PLPP7: variants seen among roughly 807,000 people sequenced by gnomAD.
PLPP7 encodes the protein inactive phospholipid phosphatase 7.
PLPP7 carries 11 observed loss-of-function variants against 16.9 expected under a neutral mutation model. The ratio of observed to expected loss-of-function variants is 0.65; its 90% CI spans 0.41 to 1.08. The LOEUF (loss-of-function observed/expected upper bound fraction) is 1.08. Ranked by LOEUF, PLPP7 falls within the 50% of genes least tolerant of loss-of-function variation. PLPP7 has a pLI of 0.00. For missense variants in PLPP7, 358 were observed against 397.1 expected, an observed-to-expected ratio of 0.90 and a Z score of 0.84; for synonymous variants, 174 against 175.1, an observed-to-expected ratio of 0.99 and a Z score of 0.05.
At chr9:131,299,270 C>T (rs1214399905) in intron 1 of PLPP7, among the ~76,000 whole-genome samples, 1 of 152,166 alleles carries the variant, frequency 6.6e-6, no homozygotes, top group Non-Finnish European at 1.5e-5. Context: ...AGGTCCAGGG[C>T]AGTGCAGCTC....
chr9:131,300,244 CT>C (rs1398074435), intron 1 of PLPP7, among the ~76,000 whole-genome samples: 1 of 152,244 alleles, frequency 6.6e-6, no homozygotes, highest in East Asian at 1.9e-4. Flanking sequence ...GGAACCACCC[CT>C]GGTACCTGCA....
At chr9:131,304,600 A>G (rs1564248666) in intron 1 of PLPP7, among the ~76,000 whole-genome samples, 1 of 152,064 alleles carries the variant, frequency 6.6e-6, no homozygotes, top group African/African-American at 2.4e-5. Flanking sequence ...ATGCTGCAGT[A>G]CTCCAGCCTG....
chr9:131,293,815 G>C (rs116416704), intron 1 of PLPP7, among the ~76,000 whole-genome samples: 1,716 of 152,206 alleles, frequency 0.011, 34 homozygotes, highest in African/African-American at 0.039. Flanking sequence ...CATGGTGGGT[G>C]CCATGCCACA....
intron 1 of PLPP7, among the ~76,000 whole-genome samples, chr9:131,294,568 T>C (rs1462758163): frequency 6.6e-6 from 1 of 152,166 alleles, no homozygotes; most frequent in Non-Finnish European, 1.5e-5. Context: ...ACTAAGCCCA[T>C]CCTTGTTTCC....
Position 131,296,932 on chromosome 9 carries a change from CCTAA to C in PLPP7, c.451+6487_451+6490del, listed in dbSNP as rs1277448438. The stretch of plus-strand genomic sequence containing the variant: ...CTCCACGAGGCTTGTCTAGCCTGTT[CCTAA>C]CTGAGGGGTATTTAGGCTGATCCCA... On this transcript the variant is annotated intron_variant, in intron 1 of 1. Coordinates refer to ENST00000372264, the MANE Select transcript of PLPP7 (RefSeq NM_032728.4). Among the ~76,000 whole-genome samples, 8 of 152,322 alleles carry C rather than the reference CCTAA, an allele frequency of 5.3e-5. No homozygotes were observed. The East Asian group carries it at 1.5e-3, about 29-fold the overall frequency.
intron 1 of PLPP7, among the ~76,000 whole-genome samples, chr9:131,299,880 C>G (rs1361323279): frequency 6.6e-6 from 1 of 152,190 alleles, no homozygotes; most frequent in East Asian, 1.9e-4. Flanking sequence ...TGGGTCAACC[C>G]AGCTGGAGAG....
chr9:131,307,573 A>C (rs1485497712), intron 1 of PLPP7, among the ~76,000 whole-genome samples: 11 of 146,142 alleles, frequency 7.5e-5, no homozygotes, highest in African/African-American at 2.5e-4. Flanking sequence ...AAAAAAAAAA[A>C]AAAAAAAAAA....
chr9:131,303,006 A>G (rs913754989), intron 1 of PLPP7, among the ~76,000 whole-genome samples: 2 of 152,190 alleles, frequency 1.3e-5, no homozygotes, highest in Admixed American at 1.3e-4. Context: ...GCAGAACAAC[A>G]TATGCAAACC....
intron 1 of PLPP7, among the ~76,000 whole-genome samples, chr9:131,301,209 TCCAC>T (rs1385461248): frequency 6.6e-6 from 1 of 152,150 alleles, no homozygotes; most frequent in Non-Finnish European, 1.5e-5. Flanking sequence ...CCTCAGGTGA[TCCAC>T]CCACCTCGGC....
rs564959930 is a variant in PLPP7, at chr9:131,301,237, G to A, written c.452-6686G>A. On this transcript the variant is annotated intron_variant, in intron 1 of 1. Transcript: ENST00000372264. ...ACCCACCTCGGCCTCCCAGAGTGCT[G>A]GGCTTACGGGCATGAGCCACCGCGC... Among the ~76,000 whole-genome samples, 53 of 152,272 alleles carry A rather than the reference G, an allele frequency of 3.5e-4. No homozygotes were observed. In the Middle Eastern group the frequency reaches 0.014, roughly 39 times the overall value.
rs752844662 is a variant in PLPP7 at position 131,295,829 on chromosome 9, G to A, written c.451+5381G>A. ...GTCCATCCATGCTGTAGCGGGCGCCGGCATTTCCTTCCTCTCTAAGGCTGA... is the reference window on the plus strand; with the variant it reads ...GTCCATCCATGCTGTAGCGGGCGCCAGCATTTCCTTCCTCTCTAAGGCTGA... On this transcript the variant is annotated intron_variant, in intron 1 of 1. Coordinates refer to ENST00000372264, the MANE Select transcript of PLPP7 (RefSeq NM_032728.4). The surrounding 1 kb of genome is among the most constrained non-coding windows in gnomAD (Gnocchi z 4.0). 1.3e-5 allele frequency among the ~76,000 whole-genome samples: 2 copies of A among 152,078 alleles called. No individual in the cohort carries two copies. The highest frequency in any genetic ancestry group is 6.6e-5 in the Admixed American group (1 of 15,262).
chr9:131,293,166 T>G (rs559857488), intron 1 of PLPP7, among the ~76,000 whole-genome samples: 1 of 152,240 alleles, frequency 6.6e-6, no homozygotes, highest in East Asian at 1.9e-4. Context: ...CTATAAGCGG[T>G]AGGTTCAGGA....
In PLPP7 at chr9:131,308,528, G is replaced by T; in HGVS notation, c.*241G>T. The T allele has an allele frequency of 1.6e-6, 1 of 631,682 alleles. No homozygotes were observed. The highest frequency in any genetic ancestry group is 2.6e-6 in the Non-Finnish European group (1 of 377,418). 39.1% of individuals were successfully genotyped at this position (631,682 alleles called of 1,614,324 possible). On this transcript the variant is annotated 3_prime_UTR_variant, in exon 2 of 2. Coordinates refer to ENST00000372264, the MANE Select transcript of PLPP7 (RefSeq NM_032728.4). ...CTTGGACTCCAAGTCTCCTCTCTAGGCAGCCAGGACCCACCCATGGGGACA... is the reference window on the plus strand; with the variant it reads ...CTTGGACTCCAAGTCTCCTCTCTAGTCAGCCAGGACCCACCCATGGGGACA...
At chr9:131,296,295 C>T (rs1434256869) in intron 1 of PLPP7, among the ~76,000 whole-genome samples, 4 of 152,112 alleles carry the variant, frequency 2.6e-5, no homozygotes, top group Admixed American at 6.6e-5. Context: ...GACAGAGTCT[C>T]GCTCTGTCAC....
chr9:131,304,693 A>G (rs979613538), intron 1 of PLPP7, among the ~76,000 whole-genome samples: 5 of 152,232 alleles, frequency 3.3e-5, no homozygotes, highest in Admixed American at 2.6e-4. Context: ...TATGAGCCTC[A>G]GGCCAGTAAC....
intron 1 of PLPP7, among the ~76,000 whole-genome samples, chr9:131,300,479 G>A (rs1835785348): frequency 6.6e-6 from 1 of 152,012 alleles, no homozygotes; most frequent in African/African-American, 2.4e-5. Context: ...GAGCTCAGGA[G>A]TTCAAGACCA....
intron 1 of PLPP7, among the ~76,000 whole-genome samples, chr9:131,304,459 A>AC (rs1835831835): frequency 6.6e-6 from 1 of 152,092 alleles, no homozygotes; most frequent in African/African-American, 2.4e-5. Flanking sequence ...ACATGGCGAA[A>AC]CCCCGTCTCT....
chr9:131,291,452 G>C, intron 1 of PLPP7: 1 of 1,099,932 alleles, frequency 9.1e-7, no homozygotes, highest in South Asian at 2.3e-5. Context: ...TCTAGTCTCA[G>C]TCTGGAGGCT....
Position 131,290,105 on chromosome 9 carries a change from C to A in PLPP7, c.108C>A (p.Arg36=). 6.5e-7 allele frequency: 1 copy of A among 1,528,406 alleles called. No homozygotes were observed. Among genetic ancestry groups the A allele is most frequent in the South Asian group, 1.3e-5 (1 of 78,500 alleles). The allele number at this position is 1,528,406 out of a possible 1,614,324, so 94.7% of individuals were successfully genotyped here. A position where few individuals can be genotyped will look rare whatever the true frequency, so the allele number is the denominator to read the frequency against. The change falls in exon 1 of 2, where the codon CGC becomes CGA. Residue 36 remains arginine (R), a synonymous_variant. Transcript: ENST00000372264. The surrounding 1 kb of genome is among the most constrained non-coding windows in gnomAD (Gnocchi z 4.2). ...CCCCCAAGGGGGGCCCGGAGCCCCGCAGCTCGGGCAGAAAGGCCTCGGGCC... is the reference window on the plus strand; with the variant it reads ...CCCCCAAGGGGGGCCCGGAGCCCCGAAGCTCGGGCAGAAAGGCCTCGGGCC... ...NQPPKGGPEP[R]SSGRKASGPS...
Sources: allele counts gnomAD v4.1 joint callset (sites outside exome capture counted in the v4.1 genomes callset), GRCh38; gene constraint gnomAD v4.1.1; non-coding constraint Gnocchi (gnomAD v3.1); transcripts MANE v1.5; gene names NCBI Gene and HGNC (gene_info 2026-07-23, HGNC 2026-07-21).